CNTNAP5: variants seen among roughly 807,000 people sequenced by gnomAD.
CNTNAP5 encodes the protein contactin-associated protein-like 5.
In CNTNAP5, 72 loss-of-function variants were observed where a neutral mutation model predicts 150.2. That is an observed-to-expected ratio of 0.48 (90% CI 0.40 to 0.58). The LOEUF (loss-of-function observed/expected upper bound fraction) is 0.58, where lower values mean the gene tolerates loss of function less well. Among genes scored for constraint, CNTNAP5 ranks in the 20% least tolerant of loss-of-function variants. The probability of loss-of-function intolerance (pLI) is 0.00; values close to 1 mark genes in which losing one functional copy is unlikely to be tolerated. For synonymous variants in CNTNAP5, 672 were observed against 619.8 expected, an observed-to-expected ratio of 1.08 and a Z score of -1.25; for missense variants, 1,636 against 1,626.2, an observed-to-expected ratio of 1.01 and a Z score of -0.10.
intron 10 of CNTNAP5, among the ~76,000 whole-genome samples, chr2:124,539,850 GT>G (rs1206779544): frequency 2.6e-5 from 4 of 152,110 alleles, no homozygotes; most frequent in Admixed American, 6.5e-5. Context: ...AGTGATTAAT[GT>G]TTTCACTTGA....
intron 3 of CNTNAP5, among the ~76,000 whole-genome samples, chr2:124,332,959 A>G (rs887339837): frequency 6.6e-6 from 1 of 152,180 alleles, no homozygotes; most frequent in Non-Finnish European, 1.5e-5. Flanking sequence ...ATGCTCATTT[A>G]TCACTAAGTC....
chr2:124,384,251 T>C (rs1441881851), intron 3 of CNTNAP5, among the ~76,000 whole-genome samples: 1 of 152,182 alleles, frequency 6.6e-6, no homozygotes, highest in Non-Finnish European at 1.5e-5. Context: ...GTGAGGATCC[T>C]TGGCTATGTC....
rs375762267 is a variant in CNTNAP5, at chr2:124,789,805, C to T, written c.2753-97C>T. ...AAATTAATTTAGACCTTCATGACAA[C>T]AGAGAACTACTTAACTCTTACCCAT... is the stretch of plus-strand genomic sequence containing the variant. On this transcript the variant is annotated intron_variant, in intron 17 of 23. Coordinates refer to ENST00000682447, the MANE Select transcript of CNTNAP5 (RefSeq NM_001367498.1). 4 of 1,114,040 alleles carry T rather than the reference C, an allele frequency of 3.6e-6. No homozygotes were observed. In the African/African-American group the frequency reaches 4.7e-5, roughly 13 times the overall value. The allele number at this position is 1,114,040 out of a possible 1,614,324, so 69.0% of individuals were successfully genotyped here. A position where few individuals can be genotyped will look rare whatever the true frequency, so the allele number is the denominator to read the frequency against.
chr2:124,213,133 T>C (rs1362349601), intron 1 of CNTNAP5, among the ~76,000 whole-genome samples: 1 of 152,098 alleles, frequency 6.6e-6, no homozygotes, highest in Non-Finnish European at 1.5e-5. Flanking sequence ...CCACCGGGCC[T>C]GGCCTATGTG....
chr2:124,269,204 C>G (rs1292022029), intron 3 of CNTNAP5, among the ~76,000 whole-genome samples: 5 of 151,978 alleles, frequency 3.3e-5, no homozygotes, highest in Non-Finnish European at 7.4e-5. Context: ...TAAATGAAAA[C>G]CTAAGAAAAA....
intron 1 of CNTNAP5, among the ~76,000 whole-genome samples, chr2:124,114,250 A>T (rs1683373677): frequency 6.6e-6 from 1 of 152,028 alleles, no homozygotes; most frequent in Non-Finnish European, 1.5e-5. Flanking sequence ...GAATCAATGA[A>T]ACTGGTCCAT....
chr2:124,758,968 C>T (rs904940887), intron 14 of CNTNAP5, among the ~76,000 whole-genome samples: 2 of 152,118 alleles, frequency 1.3e-5, no homozygotes, highest in African/African-American at 4.8e-5. Flanking sequence ...CTCTACAAAA[C>T]ATTAAATCAT....
At chr2:124,855,175 T>G (rs1345075041) in intron 19 of CNTNAP5, among the ~76,000 whole-genome samples, 46 of 89,058 alleles carry the variant, frequency 5.2e-4, no homozygotes, top group African/African-American at 2.7e-3. Context: ...TGCTTTTTTT[T>G]TTTTTTTTTT....
chr2:124,408,356 G>A (rs1442485630), intron 3 of CNTNAP5, among the ~76,000 whole-genome samples: 1 of 152,230 alleles, frequency 6.6e-6, no homozygotes, highest in Non-Finnish European at 1.5e-5. Context: ...AAGCAGCCGG[G>A]AAGCTCGGAC....
chr2:124,134,017 G>A (rs767963053), intron 1 of CNTNAP5, among the ~76,000 whole-genome samples: 5 of 152,136 alleles, frequency 3.3e-5, no homozygotes, highest in Non-Finnish European at 5.9e-5. Context: ...CTTTTTCTGT[G>A]AGTCCTTAAT....
chr2:124,876,505 G>A (rs1677863963), intron 21 of CNTNAP5, among the ~76,000 whole-genome samples: 1 of 151,818 alleles, frequency 6.6e-6, no homozygotes, highest in South Asian at 2.1e-4. Context: ...GCTAGGAATT[G>A]TGGCTCATTT....
intron 14 of CNTNAP5, among the ~76,000 whole-genome samples, chr2:124,751,491 A>G (rs1226103329): frequency 1.3e-5 from 2 of 152,242 alleles, no homozygotes; most frequent in East Asian, 3.8e-4. Flanking sequence ...AAATGCATTT[A>G]TTATTTATCT....
intron 19 of CNTNAP5, among the ~76,000 whole-genome samples, chr2:124,860,515 C>CCTTCCTTCCTTCTCTCCTTTCTTT (rs1677502409): frequency 7.6e-6 from 1 of 131,280 alleles, no homozygotes; most frequent in African/African-American, 3.2e-5. Context: ...TTCCTTCCTT[C>CCTTCCTTCCTTCTCTCCTTTCTTT]CTTCCTTCCT....
At chr2:124,539,389 C>T (rs1365347351) in intron 10 of CNTNAP5, among the ~76,000 whole-genome samples, 1 of 152,040 alleles carries the variant, frequency 6.6e-6, no homozygotes, top group Non-Finnish European at 1.5e-5. Context: ...CTTAAAATGC[C>T]CAAAGGAAGC....
intron 1 of CNTNAP5, among the ~76,000 whole-genome samples, chr2:124,116,300 G>T (rs764585532): frequency 4.6e-5 from 7 of 152,168 alleles, no homozygotes; most frequent in Admixed American, 3.9e-4. Flanking sequence ...ATACAAGGGT[G>T]TGAATCCTGC....
chr2:124,349,405 C>A (rs547501099), intron 3 of CNTNAP5, among the ~76,000 whole-genome samples: 1 of 152,160 alleles, frequency 6.6e-6, no homozygotes, highest in East Asian at 1.9e-4. Context: ...TGGACCAAAA[C>A]GTCATTATGT....
intron 19 of CNTNAP5, among the ~76,000 whole-genome samples, chr2:124,812,380 G>A (rs1384528): frequency 0.59 from 87,843 of 150,072 alleles, 26,584 homozygotes; most frequent in East Asian, 0.82. Context: ...TGATCAGAGT[G>A]GAATCCCTCC....
chr2:124,635,201 A>T (rs2105013681), intron 12 of CNTNAP5, among the ~76,000 whole-genome samples: 1 of 152,302 alleles, frequency 6.6e-6, no homozygotes, highest in South Asian at 2.1e-4. Flanking sequence ...ATGGAAAGTG[A>T]ATGAAAAGCA....
chr2:124,530,202 TG>T (rs1330103181), intron 10 of CNTNAP5, among the ~76,000 whole-genome samples: 1 of 152,028 alleles, frequency 6.6e-6, no homozygotes, highest in East Asian at 1.9e-4. Context: ...CTCAGCTACT[TG>T]GGAGGCTGAG....
Sources: gnomAD v4.1 joint callset for allele counts (sites outside exome capture counted in the v4.1 genomes callset) on GRCh38, gnomAD v4.1.1 for gene constraint, MANE v1.5 for transcripts, NCBI Gene and HGNC (gene_info 2026-07-23, HGNC 2026-07-21) for gene names.